Variants in ARB2A observed in about 807,000 individuals in gnomAD.
The protein encoded by ARB2A is ARB2 cotranscriptional regulator A.
At chr5:93,967,999 C>CA in the ARB2A span, among the ~76,000 whole-genome samples, 1 of 151,964 alleles carries the variant, frequency 6.6e-6, no homozygotes, top group African/African-American at 2.4e-5. Flanking sequence ...ATAGAGGAGA[C>CA]AAAAACAAAG....
the ARB2A span, among the ~76,000 whole-genome samples, chr5:93,786,919 A>T: frequency 6.6e-6 from 1 of 152,312 alleles, no homozygotes; most frequent in Admixed American, 6.5e-5. Context: ...CTGGGCAGGA[A>T]AAAACCTTCT....
the ARB2A span, among the ~76,000 whole-genome samples, chr5:93,994,328 T>C: frequency 5.9e-5 from 9 of 152,164 alleles, no homozygotes; most frequent in Non-Finnish European, 1.3e-4. Context: ...GAAATAGTTT[T>C]CAACCTTAAA....
chr5:94,056,956 C>G, the ARB2A span, among the ~76,000 whole-genome samples: 1 of 152,150 alleles, frequency 6.6e-6, no homozygotes, highest in African/African-American at 2.4e-5. Context: ...TTGTATGAGC[C>G]TCATCCAACT....
the ARB2A span, among the ~76,000 whole-genome samples, chr5:93,775,626 A>G: frequency 2.2e-4 from 34 of 152,332 alleles, no homozygotes; most frequent in African/African-American, 7.9e-4. Flanking sequence ...GAACATCTTC[A>G]GATCCATTCC....
At chr5:93,882,806 C>G in the ARB2A span, among the ~76,000 whole-genome samples, 2 of 151,220 alleles carry the variant, frequency 1.3e-5, no homozygotes, top group Non-Finnish European at 3.0e-5. Flanking sequence ...CAGAAAATAG[C>G]TCACAAAATC....
At chr5:93,761,635 G>C in the ARB2A span, among the ~76,000 whole-genome samples, 1 of 152,204 alleles carries the variant, frequency 6.6e-6, no homozygotes, top group African/African-American at 2.4e-5. Flanking sequence ...TGGGGGCAGG[G>C]CATTGCAAAA....
At chr5:93,702,114 A>C in the ARB2A span, among the ~76,000 whole-genome samples, 3 of 152,196 alleles carry the variant, frequency 2.0e-5, no homozygotes, top group Admixed American at 2.0e-4. Flanking sequence ...AATGGAATTA[A>C]CCTTGGGAAT....
At chr5:94,064,333 C>G in the ARB2A span, among the ~76,000 whole-genome samples, 3 of 152,042 alleles carry the variant, frequency 2.0e-5, no homozygotes. Flanking sequence ...TGAGCAAGGG[C>G]TATGTGATAT....
chr5:94,011,350 T>A, the ARB2A span, among the ~76,000 whole-genome samples: 1 of 152,202 alleles, frequency 6.6e-6, no homozygotes, highest in African/African-American at 2.4e-5. Context: ...ACTATTACCA[T>A]CTAATCACAA....
the ARB2A span, among the ~76,000 whole-genome samples, chr5:93,992,570 C>T: frequency 6.6e-6 from 1 of 151,990 alleles, no homozygotes; most frequent in Non-Finnish European, 1.5e-5. Context: ...TGATGAACTT[C>T]TACAGAAGGA....
the ARB2A span, among the ~76,000 whole-genome samples, chr5:93,695,753 C>T: frequency 5.9e-5 from 9 of 152,160 alleles, no homozygotes; most frequent in African/African-American, 2.2e-4. Context: ...TACTGCAGCA[C>T]TGTTCACAAT....
the ARB2A span, among the ~76,000 whole-genome samples, chr5:93,982,100 C>CA: frequency 8.7e-5 from 13 of 149,824 alleles, no homozygotes; most frequent in South Asian, 1.1e-3. Context: ...ATCTCAAAAA[C>CA]AAAAAAAAAG....
At chr5:93,752,709 T>C in the ARB2A span, among the ~76,000 whole-genome samples, 7 of 152,172 alleles carry the variant, frequency 4.6e-5, no homozygotes, top group African/African-American at 1.4e-4. Flanking sequence ...TAGTGATCTA[T>C]ATAAATGAAG....
the ARB2A span, among the ~76,000 whole-genome samples, chr5:94,068,092 G>A: frequency 6.6e-6 from 1 of 152,176 alleles, no homozygotes; most frequent in South Asian, 2.1e-4. Context: ...CCAAGATGGT[G>A]GTGGGCTACT....
the ARB2A span, among the ~76,000 whole-genome samples, chr5:93,692,395 A>G: frequency 6.6e-6 from 1 of 152,238 alleles, no homozygotes; most frequent in South Asian, 2.1e-4. Flanking sequence ...AGGGGTTGCA[A>G]TCCTAGTCTC....
At chr5:93,673,532 A>G in the ARB2A span, among the ~76,000 whole-genome samples, 1 of 152,230 alleles carries the variant, frequency 6.6e-6, no homozygotes, top group Non-Finnish European at 1.5e-5. Flanking sequence ...CATAGGAAAG[A>G]AGAAAGACAC....
the ARB2A span, among the ~76,000 whole-genome samples, chr5:93,793,945 G>C: frequency 6.6e-6 from 1 of 152,102 alleles, no homozygotes; most frequent in Non-Finnish European, 1.5e-5. Context: ...ACTGTTCTTT[G>C]AGTATGGGCA....
chr5:93,892,977 G>T, the ARB2A span, among the ~76,000 whole-genome samples: 1 of 152,028 alleles, frequency 6.6e-6, no homozygotes, highest in Non-Finnish European at 1.5e-5. Flanking sequence ...TTTAATCTTT[G>T]CATCATTTCA....
the ARB2A span, among the ~76,000 whole-genome samples, chr5:94,035,660 A>G: frequency 6.6e-6 from 1 of 152,200 alleles, no homozygotes; most frequent in South Asian, 2.1e-4. Flanking sequence ...ACACCATGGA[A>G]TACTATGCAG....
Sources: gnomAD v4.1 joint callset for allele counts (sites outside exome capture counted in the v4.1 genomes callset) on GRCh38, gnomAD v4.1.1 for gene constraint, MANE v1.5 for transcripts, NCBI Gene and HGNC (gene_info 2026-07-23, HGNC 2026-07-21) for gene names.